The following TRHDE variants were observed in gnomAD, a reference collection of about 807,000 sequenced individuals.
TRHDE encodes thyrotropin releasing hormone degrading enzyme, also known as thyrotropin-releasing hormone-degrading ectoenzyme.
In TRHDE, 72 loss-of-function variants were observed where a neutral mutation model predicts 125.7. The ratio of observed to expected loss-of-function variants is 0.57; its 90% CI spans 0.47 to 0.70. TRHDE has a LOEUF of 0.70. Ranked by LOEUF, TRHDE falls within the 30% of genes least tolerant of loss-of-function variation. The pLI is 0.00. For missense variants in TRHDE, 1,110 were observed against 1,327.1 expected (o/e 0.84, Z 2.54); for synonymous variants, 509 against 509.1 (o/e 1.00, Z 0.00).
intron 2 of TRHDE, among the ~76,000 whole-genome samples, chr12:72,241,682 T>C (rs949896780): frequency 1.3e-5 from 2 of 152,154 alleles, no homozygotes; most frequent in Admixed American, 6.5e-5. Context: ...TTAATGGCCA[T>C]AGAGTAAGTG....
At chr12:72,309,067 G>A (rs1004204464) in intron 2 of TRHDE, among the ~76,000 whole-genome samples, 11 of 152,094 alleles carry the variant, frequency 7.2e-5, no homozygotes, top group African/African-American at 2.4e-4. Context: ...ACTGGGTATT[G>A]ACAGATGCAA....
chr12:72,370,037 A>G (rs940674657), intron 2 of TRHDE, among the ~76,000 whole-genome samples: 1 of 152,174 alleles, frequency 6.6e-6, no homozygotes, highest in Non-Finnish European at 1.5e-5. Flanking sequence ...TACAAAATTC[A>G]CTTGATTAAC....
intron 2 of TRHDE, among the ~76,000 whole-genome samples, chr12:72,187,310 AACACACAC>A (rs59164233): frequency 0.028 from 3,679 of 131,280 alleles, 88 homozygotes; most frequent in South Asian, 0.1. Flanking sequence ...AGAGAAACAC[AACACACAC>A]ACACACACAC....
At chr12:72,387,281 C>G (rs1380254243) in intron 3 of TRHDE, among the ~76,000 whole-genome samples, 1 of 152,196 alleles carries the variant, frequency 6.6e-6, no homozygotes. Context: ...GACCTATCAG[C>G]AAATCCTTTT....
chr12:72,512,929 T>A (rs183677257), intron 6 of TRHDE, among the ~76,000 whole-genome samples: 1 of 151,772 alleles, frequency 6.6e-6, no homozygotes, highest in African/African-American at 2.4e-5. Context: ...TTGAAGGAGG[T>A]TGAACTGAAT....
intron 3 of TRHDE, among the ~76,000 whole-genome samples, chr12:72,422,220 A>G (rs1873985665): frequency 6.6e-6 from 1 of 152,098 alleles, no homozygotes; most frequent in South Asian, 2.1e-4. Flanking sequence ...AATCTTGCCA[A>G]TTTTGTGCTG....
intron 18 of TRHDE, among the ~76,000 whole-genome samples, chr12:72,660,584 T>C (rs1450665697): frequency 6.6e-6 from 1 of 152,192 alleles, no homozygotes; most frequent in African/African-American, 2.4e-5. Context: ...CCTGACCCTA[T>C]ACTCGCCGGT....
At chr12:72,589,349 T>C (rs894481525) in intron 12 of TRHDE, among the ~76,000 whole-genome samples, 1 of 152,196 alleles carries the variant, frequency 6.6e-6, no homozygotes, top group Non-Finnish European at 1.5e-5. Flanking sequence ...TTTTATTTTT[T>C]TCTTACACTT....
chr12:72,620,978 C>T, intron 13 of TRHDE, 130 bp from the exon 14 acceptor site: 1 of 501,694 alleles, frequency 2.0e-6, no homozygotes, highest in Non-Finnish European at 3.5e-6. Flanking sequence ...CATTACTGTA[C>T]TTATAATTTT....
At chr12:72,224,194 C>G (rs1251320859) in intron 2 of TRHDE, among the ~76,000 whole-genome samples, 2 of 147,598 alleles carry the variant, frequency 1.4e-5, no homozygotes, top group Non-Finnish European at 3.0e-5. Context: ...ATCTATCTAT[C>G]TATCTATCTA....
intron 18 of TRHDE, among the ~76,000 whole-genome samples, chr12:72,662,055 G>A (rs527843303): frequency 1.6e-4 from 24 of 152,218 alleles, no homozygotes; most frequent in African/African-American, 3.1e-4. Context: ...AGTTATAACC[G>A]CATTTTAACT....
At chr12:72,157,635 G>T (rs1489758434) in intron 2 of TRHDE, among the ~76,000 whole-genome samples, 3 of 152,188 alleles carry the variant, frequency 2.0e-5, no homozygotes, top group Non-Finnish European at 2.9e-5. Flanking sequence ...GTGAATGGTG[G>T]TGCTAGTTTT....
chr12:72,160,156 T>C (rs908554188), intron 2 of TRHDE, among the ~76,000 whole-genome samples: 1 of 152,198 alleles, frequency 6.6e-6, no homozygotes, highest in South Asian at 2.1e-4. Flanking sequence ...TTATGTTACA[T>C]ACCCACATTG....
intron 2 of TRHDE, among the ~76,000 whole-genome samples, chr12:72,181,428 T>A (rs768318603): frequency 7.2e-5 from 11 of 152,168 alleles, no homozygotes; most frequent in African/African-American, 1.2e-4. Flanking sequence ...TCAACTCACT[T>A]GTGCAGCTTC....
intron 2 of TRHDE, among the ~76,000 whole-genome samples, chr12:72,293,375 G>A (rs1303465500): frequency 6.6e-6 from 1 of 152,106 alleles, no homozygotes; most frequent in African/African-American, 2.4e-5. Context: ...CTCAAAAAGA[G>A]AAATGTATTA....
chr12:72,295,519 G>A (rs1016988155), intron 2 of TRHDE, among the ~76,000 whole-genome samples: 23 of 152,272 alleles, frequency 1.5e-4, no homozygotes, highest in Non-Finnish European at 2.8e-4. Context: ...AAAACATACT[G>A]TTTAATTTTA....
rs73336711 is a variant in TRHDE at position 72,596,103 on chromosome 12, A to G, written c.2321+20561A>G. ...AGTTTTCATCTTCATTCATCTTTCT[A>G]CGTAATATATTCTTTCCTAGTTTCC... is the stretch of plus-strand genomic sequence containing the variant. On this transcript the variant is annotated intron_variant, in intron 12 of 18. Coordinates refer to ENST00000261180, the MANE Select transcript of TRHDE (RefSeq NM_013381.3). Among the ~76,000 whole-genome samples the G allele has an allele frequency of 1.8e-3, 269 of 152,170 alleles. 3 individuals carry two copies. Among genetic ancestry groups the G allele is most frequent in the African/African-American group, 6.4e-3 (264 of 41,562 alleles).
At chr12:72,381,806 G>A (rs1872198475) in intron 3 of TRHDE, among the ~76,000 whole-genome samples, 1 of 152,204 alleles carries the variant, frequency 6.6e-6, no homozygotes, top group Admixed American at 6.5e-5. Flanking sequence ...GCCATTTAGT[G>A]AGACAGAAGG....
In TRHDE at chr12:72,098,286, CAG is replaced by C. The variant is rs112792477; in HGVS notation, n.175-7355_175-7354del. On this transcript the variant is annotated intron_variant and non_coding_transcript_variant, in intron 1 of 4. Transcript: ENST00000548156. ...TTACATGAAGTTATAAGGAATAATA[CAG>C]AGAGAGCTCGTGTAGTTTTTACCCT... is the stretch of plus-strand genomic sequence containing the variant. Among the ~76,000 whole-genome samples the C allele has an allele frequency of 3.9e-5, 6 of 152,252 alleles. 1 individual carries two copies. Among genetic ancestry groups the C allele is most frequent in the Admixed American group, 1.3e-4 (2 of 15,296 alleles).
Sources: allele counts gnomAD v4.1 joint callset (sites outside exome capture counted in the v4.1 genomes callset), GRCh38; gene constraint gnomAD v4.1.1; transcripts MANE v1.5; gene names NCBI Gene and HGNC (gene_info 2026-07-23, HGNC 2026-07-21).